PPP3CC: variants seen among roughly 807,000 people sequenced by gnomAD.
The protein encoded by PPP3CC is serine/threonine-protein phosphatase 2B catalytic subunit gamma isoform.
A neutral mutation model predicts 60.3 loss-of-function variants in PPP3CC; 35 were observed. The observed-to-expected ratio is 0.58, with a 90% CI of 0.44 to 0.77. The LOEUF (loss-of-function observed/expected upper bound fraction) is 0.77, where lower values mean the gene tolerates loss of function less well. PPP3CC is among the 30% of genes least tolerant of loss of function. The pLI is 0.00. For synonymous variants in PPP3CC, 206 were observed against 224.3 expected, an observed-to-expected ratio of 0.92 and a Z score of 0.73; for missense variants, 570 against 628.9, an observed-to-expected ratio of 0.91 and a Z score of 1.00.
At position 22,441,243 on chromosome 8, in the gene PPP3CC, C is replaced by T; in HGVS notation, c.-167C>T. ...CTGTCAGTGGCGTCGGAGGCCGGCG[C>T]TGCGGTGGCCGCGCCCTTCTGGTGC... On this transcript the variant is annotated 5_prime_UTR_variant, in exon 1 of 14. Transcript: ENST00000240139. The T allele has an allele frequency of 1.8e-6, 1 of 552,788 alleles. No homozygotes were observed. Among genetic ancestry groups the T allele is most frequent in the Non-Finnish European group, 3.0e-6 (1 of 338,694 alleles). The allele number at this position is 552,788 out of a possible 1,614,324, so 34.2% of individuals were successfully genotyped here.
At chr8:22,529,936 T>A (rs565386420) in intron 10 of PPP3CC, among the ~76,000 whole-genome samples, 2 of 152,294 alleles carry the variant, frequency 1.3e-5, no homozygotes, top group East Asian at 3.9e-4. Flanking sequence ...TGCAAGAGAT[T>A]CTGGAAAAGT....
intron 12 of PPP3CC, 145 bp downstream of exon 12, chr8:22,533,163 T>C (rs969357273): frequency 5.4e-5 from 29 of 536,094 alleles, no homozygotes; most frequent in Admixed American, 8.2e-5. Context: ...TCACCCCTAC[T>C]TCCCTCCATA....
intron 3 of PPP3CC, among the ~76,000 whole-genome samples, chr8:22,486,207 A>G (rs1838219613): frequency 1.3e-5 from 2 of 152,188 alleles, no homozygotes; most frequent in African/African-American, 4.8e-5. Flanking sequence ...ATGCTATTGC[A>G]TACATTTTCC....
intron 4 of PPP3CC, among the ~76,000 whole-genome samples, chr8:22,504,873 C>A (rs77969181): frequency 0.024 from 3,690 of 151,924 alleles, 78 homozygotes; most frequent in South Asian, 0.04. Flanking sequence ...AGCTCTCATG[C>A]CCAGCCTATT....
At position 22,513,396 on chromosome 8, in the gene PPP3CC, C is replaced by T. The variant is rs748058050; in HGVS notation, c.734C>T (p.Thr245Ile). The T allele has an allele frequency of 1.2e-6, 2 of 1,613,654 alleles. No homozygotes were observed. The highest frequency in any genetic ancestry group is 2.2e-5 in the South Asian group (2 of 90,976). The change falls in exon 6 of 14, where the codon ACC becomes ATC. Residue 245 changes from threonine (T) to isoleucine (I), a missense_variant. Thr to Ile is a moderately conservative substitution (Grantham distance 89). Transcript: ENST00000240139. ...YGNEKTLEHY[T>I]HNTVRGCSYF... ...AATGAGAAGACCTTGGAGCACTATA[C>T]CCACAACACTGTCCGAGGGTGCTCT...
intron 4 of PPP3CC, among the ~76,000 whole-genome samples, chr8:22,499,917 C>G (rs1838713047): frequency 6.6e-6 from 1 of 152,160 alleles, no homozygotes; most frequent in Non-Finnish European, 1.5e-5. Context: ...CTGTCTTTCT[C>G]TGCCACCAGA....
intron 1 of PPP3CC, among the ~76,000 whole-genome samples, chr8:22,446,590 G>A (rs547766734): frequency 3.3e-5 from 5 of 151,836 alleles, no homozygotes; most frequent in African/African-American, 4.9e-5. Flanking sequence ...TTGGGAAGCC[G>A]AGGTGGGTGG....
In PPP3CC at chr8:22,540,846, C is replaced by A; in HGVS notation, c.*44C>A. 1 of 1,445,280 alleles carries A rather than the reference C, an allele frequency of 6.9e-7. No homozygotes were observed. Among genetic ancestry groups the A allele is most frequent in the Non-Finnish European group, 9.2e-7 (1 of 1,087,014 alleles). 89.5% of individuals were successfully genotyped at this position (1,445,280 alleles called of 1,614,324 possible). On this transcript the variant is annotated 3_prime_UTR_variant, in exon 14 of 14. Transcript: ENST00000240139. ...CTCAGGTGGATCTAAAACTCAAGAACAAATTCTATTTATTTATTATTGGAA... is the reference window on the plus strand; with the variant it reads ...CTCAGGTGGATCTAAAACTCAAGAAAAAATTCTATTTATTTATTATTGGAA...
At chr8:22,445,939 C>T (rs538722743) in intron 1 of PPP3CC, among the ~76,000 whole-genome samples, 13 of 152,270 alleles carry the variant, frequency 8.5e-5, no homozygotes, top group African/African-American at 2.9e-4. Context: ...TTAATTTAAA[C>T]ACTTAATTTT....
intron 4 of PPP3CC, among the ~76,000 whole-genome samples, chr8:22,509,038 G>C (rs191166409): frequency 6.6e-6 from 1 of 152,112 alleles, no homozygotes; most frequent in South Asian, 2.1e-4. Flanking sequence ...AAACCCACAG[G>C]CTCCCTTAAT....
chr8:22,485,488 C>G (rs1838197197), intron 3 of PPP3CC, among the ~76,000 whole-genome samples: 1 of 152,148 alleles, frequency 6.6e-6, no homozygotes, highest in African/African-American at 2.4e-5. Context: ...TAAAACAGAA[C>G]TCAACCAAAA....
At chr8:22,480,799 A>G (rs1838040076) in intron 3 of PPP3CC, among the ~76,000 whole-genome samples, 1 of 152,160 alleles carries the variant, frequency 6.6e-6, no homozygotes, top group African/African-American at 2.4e-5. Context: ...TTTTAGGTCA[A>G]AAGTACTTAA....
intron 11 of PPP3CC, among the ~76,000 whole-genome samples, chr8:22,532,540 T>C (rs1444102235): frequency 6.6e-6 from 1 of 152,198 alleles, no homozygotes; most frequent in East Asian, 1.9e-4. Context: ...TCCAACCCGA[T>C]TGCCTGTGTT....
In PPP3CC at chr8:22,486,949, C is replaced by T. The variant is rs1489481886; in HGVS notation, c.373-11052C>T. 2.0e-5 allele frequency among the ~76,000 whole-genome samples: 3 copies of T among 152,142 alleles called. No homozygotes were observed. The East Asian group carries it at 5.8e-4, about 29-fold the overall frequency. On this transcript the variant is annotated intron_variant, in intron 3 of 13. Coordinates refer to ENST00000240139, the MANE Select transcript of PPP3CC (RefSeq NM_005605.5). ...TTCACCATGTTGGCCAGGCTAGTCT[C>T]AAACTCCTGACCTCAGGAGATCTGC... is the stretch of plus-strand genomic sequence containing the variant.
intron 1 of PPP3CC, among the ~76,000 whole-genome samples, chr8:22,463,696 T>C (rs1275728176): frequency 6.6e-6 from 1 of 152,238 alleles, no homozygotes; most frequent in Non-Finnish European, 1.5e-5. Flanking sequence ...AAGTGTATTA[T>C]GAGTTTCACC....
intron 1 of PPP3CC, among the ~76,000 whole-genome samples, chr8:22,453,638 A>G (rs1311221201): frequency 6.6e-6 from 1 of 152,216 alleles, no homozygotes; most frequent in African/African-American, 2.4e-5. Flanking sequence ...ATGTTGTTTG[A>G]GTTAACCATA....
chr8:22,526,273 C>T (rs1227662165), intron 8 of PPP3CC, among the ~76,000 whole-genome samples: 1 of 152,150 alleles, frequency 6.6e-6, no homozygotes, highest in African/African-American at 2.4e-5. Context: ...GGAACACACC[C>T]AAAAGCAGTT....
chr8:22,513,608 A>G (rs182998270), intron 6 of PPP3CC, among the ~76,000 whole-genome samples, 176 bp downstream of exon 6: 28 of 152,316 alleles, frequency 1.8e-4, no homozygotes, highest in East Asian at 1.7e-3. Context: ...TTTCTTAGGT[A>G]TATATCCTAA....
intron 3 of PPP3CC, among the ~76,000 whole-genome samples, chr8:22,480,425 T>C (rs1406383309): frequency 2.0e-5 from 3 of 152,236 alleles, no homozygotes; most frequent in Non-Finnish European, 4.4e-5. Flanking sequence ...ATGAGAGATA[T>C]AGATCTTTTG....
Sources: allele counts gnomAD v4.1 joint callset (sites outside exome capture counted in the v4.1 genomes callset), GRCh38; gene constraint gnomAD v4.1.1; transcripts MANE v1.5; gene names NCBI Gene and HGNC (gene_info 2026-07-23, HGNC 2026-07-21).